Variants in CDK13 observed in about 807,000 individuals in gnomAD.
CDK13 encodes the protein cyclin dependent kinase 13.
CDK13 carries 40 observed loss-of-function variants against 137.6 expected under a neutral mutation model. That is an observed-to-expected ratio of 0.29 (90% CI 0.23 to 0.38). The LOEUF (loss-of-function observed/expected upper bound fraction) is 0.38. Among genes scored for constraint, CDK13 ranks in the 10% least tolerant of loss-of-function variants. The pLI, the probability that CDK13 is intolerant of heterozygous loss-of-function variation, is 1.00. For missense variants in CDK13, 1,704 were observed against 1,951.8 expected, an observed-to-expected ratio of 0.87 and a Z score of 2.39; for synonymous variants, 869 against 760.1, an observed-to-expected ratio of 1.14 and a Z score of -2.36.
rs138588558 is a variant in CDK13 at position 39,987,853 on chromosome 7, C to T, written c.1466C>T (p.Ala489Val). 716 of 1,614,196 alleles carry T rather than the reference C, an allele frequency of 4.4e-4. No individual in the cohort carries two copies. The highest frequency in any genetic ancestry group is 5.7e-4 in the Non-Finnish European group (672 of 1,180,050). The change falls in exon 2 of 14, where the codon GCT becomes GTT. Residue 489 changes from alanine (A) to valine (V), a missense_variant. Physicochemically the swap from Ala to Val is moderately conservative, Grantham distance 64. Coordinates refer to ENST00000181839, the MANE Select transcript of CDK13 (RefSeq NM_003718.5). ...GAGGCTGCTGCCAAGGCTGCAAAAG[C>T]TTCAAACACTTCTACACCTACCAAG... is the stretch of plus-strand genomic sequence containing the variant. Reference protein sequence around the residue: ...AAEAAAKAAKASNTSTPTKGN... With the variant: ...AAEAAAKAAKVSNTSTPTKGN...
intron 5 of CDK13, among the ~76,000 whole-genome samples, chr7:40,025,556 A>G (rs1446122233): frequency 6.6e-6 from 1 of 152,176 alleles, no homozygotes; most frequent in Non-Finnish European, 1.5e-5. Context: ...AATTCAGATA[A>G]TTTCTAGAAT....
intron 5 of CDK13, among the ~76,000 whole-genome samples, chr7:40,008,380 A>G (rs1331266319): frequency 6.6e-6 from 1 of 152,222 alleles, no homozygotes; most frequent in Non-Finnish European, 1.5e-5. Flanking sequence ...ATGTCCATCT[A>G]AATACTGGGG....
At chr7:39,983,276 A>T (rs1784268004) in intron 1 of CDK13, among the ~76,000 whole-genome samples, 1 of 152,150 alleles carries the variant, frequency 6.6e-6, no homozygotes, top group African/African-American at 2.4e-5. Flanking sequence ...TTAAATAGGG[A>T]ATCCTTTCCC....
chr7:40,032,528 C>G (rs1412435330), intron 5 of CDK13, among the ~76,000 whole-genome samples: 1 of 152,228 alleles, frequency 6.6e-6, no homozygotes, highest in Non-Finnish European at 1.5e-5. Context: ...AGTTTACACT[C>G]AAGTCTTTGA....
chr7:40,040,713 T>C (rs1262938819), intron 5 of CDK13, among the ~76,000 whole-genome samples: 5 of 152,338 alleles, frequency 3.3e-5, no homozygotes, highest in African/African-American at 1.2e-4. Context: ...GCTTTTTAAA[T>C]TTAATTAATT....
At chr7:39,989,594 G>T (rs1784415237) in intron 2 of CDK13, among the ~76,000 whole-genome samples, 1 of 151,862 alleles carries the variant, frequency 6.6e-6, no homozygotes, top group African/African-American at 2.4e-5. Context: ...AATTTAATCG[G>T]GTGTTATTTA....
At chr7:40,055,341 T>G (rs1785991121) in intron 7 of CDK13, among the ~76,000 whole-genome samples, 1 of 152,192 alleles carries the variant, frequency 6.6e-6, no homozygotes, top group Non-Finnish European at 1.5e-5. Flanking sequence ...TTTTCAGTCC[T>G]GTTTCTTTTT....
chr7:40,089,733 T>A (rs1187501367), intron 12 of CDK13, among the ~76,000 whole-genome samples: 1 of 128,438 alleles, frequency 7.8e-6, no homozygotes, highest in East Asian at 4.1e-4. Context: ...AGTGTGTGTG[T>A]GTGTGTGTGT....
intron 2 of CDK13, among the ~76,000 whole-genome samples, chr7:39,988,502 C>G (rs1001012811): frequency 6.6e-6 from 1 of 151,700 alleles, no homozygotes; most frequent in Non-Finnish European, 1.5e-5. Context: ...ATGAATATTT[C>G]AATATGATTT....
At chr7:40,070,167 G>A (rs1051137853) in intron 9 of CDK13, 1 of 151,558 alleles carries the variant, frequency 6.6e-6, no homozygotes, top group African/African-American at 2.4e-5. Context: ...ATGAACCCAG[G>A]AGGCAGAGCT....
intron 9 of CDK13, among the ~76,000 whole-genome samples, 180 bp from the exon 10 acceptor site, chr7:40,077,825 C>T (rs1786579256): frequency 6.6e-6 from 1 of 152,106 alleles, no homozygotes; most frequent in Non-Finnish European, 1.5e-5. Flanking sequence ...CACTGTACTC[C>T]AGCCTGGGTG....
In CDK13 at chr7:39,950,883, T is replaced by G; in HGVS notation, c.242T>G (p.Phe81Cys). 7 of 1,358,826 alleles carry G rather than the reference T, an allele frequency of 5.2e-6. No individual in the cohort carries two copies. Among genetic ancestry groups the G allele is most frequent in the Non-Finnish European group, 6.6e-6 (7 of 1,066,336 alleles). The allele number at this position is 1,358,826 out of a possible 1,614,324, so 84.2% of individuals were successfully genotyped here. ...AAAAAASSSC[F>C]SPGPPLEVKR... ...GCCGCCGCGGCCTCCTCCTCTTGCT[T>G]CAGCCCGGGCCCCCCTCTGGAGGTC... is the stretch of plus-strand genomic sequence containing the variant. Residue 81 changes from phenylalanine to cysteine, a missense_variant, in exon 1 of 14, where the codon TTC becomes TGC. Physicochemically the swap from Phe to Cys is radical, Grantham distance 205. Around this residue, in one of 5 missense-constraint regions of CDK13, gnomAD observed 1,051 missense variants for 931.0 expected, o/e 1.13. Coordinates refer to ENST00000181839, the MANE Select transcript of CDK13 (RefSeq NM_003718.5).
intron 5 of CDK13, among the ~76,000 whole-genome samples, chr7:40,002,725 T>G (rs1207234994): frequency 2.6e-5 from 4 of 152,258 alleles, no homozygotes; most frequent in African/African-American, 9.6e-5. Context: ...CAAAGTTTAC[T>G]GACTGTATTC....
intron 1 of CDK13, among the ~76,000 whole-genome samples, chr7:39,983,122 A>T (rs1276879887): frequency 3.3e-5 from 5 of 152,148 alleles, no homozygotes. Flanking sequence ...GGTAATGCCT[A>T]GGTTTTCTTC....
chr7:40,018,192 A>T (rs1200883199), intron 5 of CDK13, among the ~76,000 whole-genome samples: 1 of 152,120 alleles, frequency 6.6e-6, no homozygotes, highest in Non-Finnish European at 1.5e-5. Context: ...AATGCTTTTT[A>T]AAAAATTGGT....
intron 5 of CDK13, among the ~76,000 whole-genome samples, chr7:40,034,186 A>G (rs1785436318): frequency 6.6e-6 from 1 of 152,148 alleles, no homozygotes; most frequent in Non-Finnish European, 1.5e-5. Flanking sequence ...GTTCACACTG[A>G]ACCTCCAGCT....
chr7:39,976,288 GTCTC>G (rs1174858221), intron 1 of CDK13, among the ~76,000 whole-genome samples: 680 of 29,894 alleles, frequency 0.023, 19 homozygotes, highest in Admixed American at 0.042. Context: ...GCGAGATTCC[GTCTC>G]TCTCTCTCTC....
chr7:40,058,442 G>C (rs958977390), intron 7 of CDK13, among the ~76,000 whole-genome samples: 1 of 151,986 alleles, frequency 6.6e-6, no homozygotes. Flanking sequence ...CCAGAGGCAG[G>C]AGAATTGCTT....
chr7:39,976,452 C>A (rs2116214674), intron 1 of CDK13, among the ~76,000 whole-genome samples: 1 of 152,042 alleles, frequency 6.6e-6, no homozygotes, highest in Middle Eastern at 3.4e-3. Context: ...GACTCTGCCT[C>A]TTCTTAGTTC....
Sources: allele counts gnomAD v4.1 joint callset (sites outside exome capture counted in the v4.1 genomes callset), GRCh38; gene constraint gnomAD v4.1.1; regional missense constraint gnomAD v4.1.1; transcripts MANE v1.5; gene names NCBI Gene and HGNC (gene_info 2026-07-23, HGNC 2026-07-21).